The following PLCB1 variants were observed in gnomAD, a reference collection of about 807,000 sequenced individuals.
PLCB1 encodes the protein phospholipase C beta 1, also known as 1-phosphatidylinositol 4,5-bisphosphate phosphodiesterase beta-1.
Under a neutral mutation model 161.8 loss-of-function variants are expected in PLCB1, and 46 were observed. The observed-to-expected ratio is 0.28, with a 90% CI of 0.22 to 0.36. PLCB1 has a LOEUF of 0.36. Ranked by LOEUF, PLCB1 falls within the 10% of genes least tolerant of loss-of-function variation. PLCB1 has a pLI of 1.00. For synonymous variants in PLCB1, 517 were observed against 503.7 expected (o/e 1.03, Z -0.35); for missense variants, 1,016 against 1,472.5 (o/e 0.69, Z 5.07).
chr20:8,549,572 G>A (rs757034122), intron 3 of PLCB1, among the ~76,000 whole-genome samples: 38 of 152,094 alleles, frequency 2.5e-4, no homozygotes, highest in Non-Finnish European at 4.6e-4. Context: ...TCGTGATAGC[G>A]AACGAATTCT....
chr20:8,318,383 G>A (rs1984756185), intron 2 of PLCB1, among the ~76,000 whole-genome samples: 1 of 152,028 alleles, frequency 6.6e-6, no homozygotes, highest in Non-Finnish European at 1.5e-5. Flanking sequence ...ATTTTGACTA[G>A]TCAAATGCAG....
intron 3 of PLCB1, among the ~76,000 whole-genome samples, chr20:8,510,906 A>G (rs952044811): frequency 8.5e-5 from 13 of 152,196 alleles, no homozygotes; most frequent in Non-Finnish European, 1.5e-5. Flanking sequence ...ATGGGGTACA[A>G]TGTGATGCTA....
At chr20:8,712,823 T>C (rs886530376) in intron 12 of PLCB1, among the ~76,000 whole-genome samples, 1 of 152,226 alleles carries the variant, frequency 6.6e-6, no homozygotes, top group Non-Finnish European at 1.5e-5. Context: ...AGTATTTTAT[T>C]ATGCTCAGAA....
chr20:8,808,354 CAGAG>C (rs141575876), intron 31 of PLCB1, among the ~76,000 whole-genome samples: 1 of 151,408 alleles, frequency 6.6e-6, no homozygotes, highest in Non-Finnish European at 1.5e-5. Flanking sequence ...TGCACATGCA[CAGAG>C]AGAGAGAGAG....
chr20:8,408,767 C>A (rs1978900538), intron 3 of PLCB1, among the ~76,000 whole-genome samples: 1 of 152,182 alleles, frequency 6.6e-6, no homozygotes, highest in South Asian at 2.1e-4. Context: ...TGTGCCACTG[C>A]CCAGCTGTGG....
At chr20:8,424,808 CAAAG>C (rs1979680472) in intron 3 of PLCB1, among the ~76,000 whole-genome samples, 1 of 151,924 alleles carries the variant, frequency 6.6e-6, no homozygotes, top group Non-Finnish European at 1.5e-5. Flanking sequence ...TCTAGCAGAG[CAAAG>C]AAAGAATGAA....
rs183890378 is a variant in PLCB1, at chr20:8,602,449, C to G, written c.247-25845C>G. Among the ~76,000 whole-genome samples the G allele has an allele frequency of 1.9e-3, 294 of 152,296 alleles. 4 individuals carry two copies. Among genetic ancestry groups the G allele is most frequent in the African/African-American group, 6.7e-3 (280 of 41,564 alleles). The stretch of plus-strand genomic sequence containing the variant: ...GGTGAATTAACATGAATAGACTTAT[C>G]TATCCCTGTCCAAATATATTTTATC... On this transcript the variant is annotated intron_variant, in intron 3 of 31. Coordinates refer to ENST00000338037, the MANE Select transcript of PLCB1 (RefSeq NM_015192.4).
At chr20:8,604,892 A>G (rs2123153375) in intron 3 of PLCB1, among the ~76,000 whole-genome samples, 1 of 152,244 alleles carries the variant, frequency 6.6e-6, no homozygotes, top group East Asian at 1.9e-4. Flanking sequence ...TTCTGGGTAG[A>G]GGGTTTGTTA....
chr20:8,655,239 T>G (rs967080455), intron 7 of PLCB1, among the ~76,000 whole-genome samples: 1 of 152,180 alleles, frequency 6.6e-6, no homozygotes, highest in Admixed American at 6.6e-5. Flanking sequence ...GTTAGTTAAA[T>G]TTGATATTTC....
chr20:8,276,522 T>C (rs6077341), intron 2 of PLCB1, among the ~76,000 whole-genome samples: 3 of 152,338 alleles, frequency 2.0e-5, no homozygotes, highest in African/African-American at 7.2e-5. Context: ...TGTTATGTCA[T>C]ACAATGGAAA....
chr20:8,853,078 CAT>C (rs1318710911), intron 31 of PLCB1, among the ~76,000 whole-genome samples: 2 of 151,660 alleles, frequency 1.3e-5, no homozygotes, highest in Non-Finnish European at 2.9e-5. Flanking sequence ...GATATGAAAA[CAT>C]GTGCATATTG....
intron 3 of PLCB1, among the ~76,000 whole-genome samples, chr20:8,423,212 G>C (rs964215714): frequency 5.3e-5 from 8 of 152,082 alleles, no homozygotes; most frequent in Admixed American, 5.2e-4. Context: ...CAAGACATAA[G>C]GGACTGATCT....
At chr20:8,441,440 C>T (rs1039261409) in intron 3 of PLCB1, among the ~76,000 whole-genome samples, 13 of 152,324 alleles carry the variant, frequency 8.5e-5, no homozygotes, top group African/African-American at 3.1e-4. Flanking sequence ...AGAACTTTGA[C>T]ACCTTGCAAT....
intron 31 of PLCB1, among the ~76,000 whole-genome samples, chr20:8,797,353 A>G (rs934928589): frequency 6.6e-6 from 1 of 152,106 alleles, no homozygotes; most frequent in African/African-American, 2.4e-5. Context: ...CAAAAACTCT[A>G]AACTATCATG....
chr20:8,198,294 G>A (rs908695409), intron 2 of PLCB1, among the ~76,000 whole-genome samples: 41 of 152,196 alleles, frequency 2.7e-4, no homozygotes, highest in Non-Finnish European at 4.1e-4. Context: ...ATCCATGAGC[G>A]TGGAATGTTC....
intron 3 of PLCB1, among the ~76,000 whole-genome samples, chr20:8,511,815 T>A (rs1029954491): frequency 6.6e-6 from 1 of 152,238 alleles, no homozygotes; most frequent in African/African-American, 2.4e-5. Flanking sequence ...ACCATTTGTA[T>A]ATCTACTTTC....
chr20:8,368,330 C>G (rs1464481764), intron 2 of PLCB1, among the ~76,000 whole-genome samples: 1 of 151,754 alleles, frequency 6.6e-6, no homozygotes, highest in East Asian at 1.9e-4. Flanking sequence ...GAGTTTGAGA[C>G]CAGCCTGGCC....
At chr20:8,729,854 C>T (rs1270169770) in intron 18 of PLCB1, 4 of 151,862 alleles carry the variant, frequency 2.6e-5, no homozygotes, top group South Asian at 2.1e-4. Context: ...TACATTACTC[C>T]GCTGTCAGCA....
chr20:8,278,699 C>T (rs1047826797), intron 2 of PLCB1, among the ~76,000 whole-genome samples: 1 of 152,018 alleles, frequency 6.6e-6, no homozygotes, highest in Admixed American at 6.6e-5. Context: ...AGCAAGGGCA[C>T]TAGGGACTTG....
Sources: gnomAD v4.1 joint callset for allele counts (sites outside exome capture counted in the v4.1 genomes callset) on GRCh38, gnomAD v4.1.1 for gene constraint, MANE v1.5 for transcripts, NCBI Gene and HGNC (gene_info 2026-07-23, HGNC 2026-07-21) for gene names.